Variants in LMX1A observed in about 807,000 individuals in gnomAD.
The protein encoded by LMX1A is LIM homeobox transcription factor 1-alpha.
LMX1A carries 15 observed loss-of-function variants against 49.1 expected under a neutral mutation model. That is an observed-to-expected ratio of 0.31 (90% CI 0.20 to 0.47). LMX1A has a LOEUF of 0.47. LMX1A is among the 20% of genes least tolerant of loss of function. LMX1A has a pLI of 1.00. For missense variants in LMX1A, 372 were observed against 475.8 expected (o/e 0.78, Z 2.03); for synonymous variants, 167 against 185.7 (o/e 0.90, Z 0.82).
rs144980188 is a variant in LMX1A, at chr1:165,355,551, G to A, written c.9C>T (p.Asp3=). 3.1e-4 allele frequency: 502 copies of A among 1,613,736 alleles called. 1 individual carries two copies. In the African/African-American group the frequency reaches 5.7e-3, roughly 18 times the overall value. ML[D]GLKMEENFQS... Reference sequence around the variant, plus strand: ...GGAAGTTCTCCTCCATCTTTAGGCCGTCCAGCATGTTCGGGCCGGGCCGGG... The same window carrying A: ...GGAAGTTCTCCTCCATCTTTAGGCCATCCAGCATGTTCGGGCCGGGCCGGG... The change falls in exon 2 of 9, where the codon GAC becomes GAT. Residue 3 remains aspartate, a synonymous_variant. Transcript: ENST00000342310. The surrounding 1 kb of genome is among the most constrained non-coding windows in gnomAD (Gnocchi z 4.7).
intron 3 of LMX1A, among the ~76,000 whole-genome samples, chr1:165,258,615 G>A (rs1653326894): frequency 6.6e-6 from 1 of 152,202 alleles, no homozygotes; most frequent in Non-Finnish European, 1.5e-5. Context: ...GTGGGAGTGA[G>A]AACTGCTAAG....
At chr1:165,275,624 T>C (rs1217952310) in intron 3 of LMX1A, among the ~76,000 whole-genome samples, 2 of 152,112 alleles carry the variant, frequency 1.3e-5, no homozygotes, top group Non-Finnish European at 2.9e-5. Context: ...CTTATTTCTA[T>C]AGCAAATCAA....
intron 3 of LMX1A, among the ~76,000 whole-genome samples, chr1:165,294,376 A>C (rs1275941487): frequency 1.3e-5 from 2 of 152,216 alleles, no homozygotes; most frequent in East Asian, 3.9e-4. Context: ...TAGGTTGATA[A>C]ATTTCAAAAG....
At chr1:165,276,558 CA>C (rs1653973945) in intron 3 of LMX1A, among the ~76,000 whole-genome samples, 1 of 151,916 alleles carries the variant, frequency 6.6e-6, no homozygotes, top group Non-Finnish European at 1.5e-5. Context: ...AGGGTGAACA[CA>C]ATGCTCAAAG....
chr1:165,299,768 A>AC (rs1654719747), intron 3 of LMX1A, among the ~76,000 whole-genome samples: 1 of 74,584 alleles, frequency 1.3e-5, no homozygotes, highest in South Asian at 5.6e-4. Context: ...CAAGAAACAC[A>AC]CTAAAAAAAA....
chr1:165,270,859 C>T (rs750942936), intron 3 of LMX1A, among the ~76,000 whole-genome samples: 8 of 152,124 alleles, frequency 5.3e-5, no homozygotes, highest in African/African-American at 1.4e-4. Flanking sequence ...TATCCCAATG[C>T]CTTTCATTTC....
chr1:165,248,452 T>C (rs938601609), intron 4 of LMX1A, among the ~76,000 whole-genome samples: 2 of 87,416 alleles, frequency 2.3e-5, no homozygotes, highest in African/African-American at 3.4e-5. Context: ...ATAAGATGAA[T>C]GCTGAGCTGT....
Position 165,282,397 on chromosome 1 carries a change from T to C in LMX1A, c.264-32757A>G, listed in dbSNP as rs1035830324. ...CATGTAACCTACGCACACCCTTCTGTATACTTTCATTCTTCTCTAGGTTAC... is the reference window on the plus strand; with the variant it reads ...CATGTAACCTACGCACACCCTTCTGCATACTTTCATTCTTCTCTAGGTTAC... On this transcript the variant is annotated intron_variant, in intron 3 of 8. Coordinates refer to ENST00000342310, the MANE Select transcript of LMX1A (RefSeq NM_177398.4). 9.8e-5 allele frequency among the ~76,000 whole-genome samples: 15 copies of C among 152,350 alleles called. No individual in the cohort carries two copies. The East Asian group carries it at 2.7e-3, about 27-fold the overall frequency.
At chr1:165,348,270 A>C (rs907071222) in intron 3 of LMX1A, among the ~76,000 whole-genome samples, 10 of 152,214 alleles carry the variant, frequency 6.6e-5, no homozygotes, top group Admixed American at 1.3e-4. Flanking sequence ...TTTAATTCCC[A>C]GAATACTATT....
intron 3 of LMX1A, among the ~76,000 whole-genome samples, chr1:165,332,093 T>C (rs1655763836): frequency 6.6e-6 from 1 of 152,134 alleles, no homozygotes; most frequent in African/African-American, 2.4e-5. Context: ...AGGTATATTG[T>C]AATCCTGAGA....
intron 3 of LMX1A, among the ~76,000 whole-genome samples, chr1:165,251,381 C>T (rs2102639716): frequency 6.6e-6 from 1 of 152,244 alleles, no homozygotes; most frequent in South Asian, 2.1e-4. Context: ...CTGCTCCAGG[C>T]TTGAATGGTT....
chr1:165,281,633 C>T (rs949180362), intron 3 of LMX1A, among the ~76,000 whole-genome samples: 1 of 152,134 alleles, frequency 6.6e-6, no homozygotes, highest in Non-Finnish European at 1.5e-5. Context: ...ATGATGGCTG[C>T]AACTGTATGC....
chr1:165,343,271 G>C (rs1001703707), intron 3 of LMX1A, among the ~76,000 whole-genome samples: 5 of 152,018 alleles, frequency 3.3e-5, no homozygotes, highest in African/African-American at 1.2e-4. Flanking sequence ...CACAGCTAAG[G>C]AACAGCGGGA....
intron 4 of LMX1A, among the ~76,000 whole-genome samples, chr1:165,218,021 T>C (rs1211866240): frequency 6.6e-6 from 1 of 152,238 alleles, no homozygotes; most frequent in Non-Finnish European, 1.5e-5. Context: ...GCTACTCAAC[T>C]CTGCAATTGT....
chr1:165,256,448 C>T (rs1189141746), intron 3 of LMX1A, among the ~76,000 whole-genome samples: 4 of 152,152 alleles, frequency 2.6e-5, no homozygotes, highest in Admixed American at 1.3e-4. Flanking sequence ...TCTCCACACA[C>T]TTTCAACCAG....
chr1:165,265,444 G>T (rs1653593425), intron 3 of LMX1A, among the ~76,000 whole-genome samples: 1 of 152,162 alleles, frequency 6.6e-6, no homozygotes, highest in African/African-American at 2.4e-5. Flanking sequence ...TTTGCCTTTT[G>T]GCAAAGGAAG....
chr1:165,347,825 T>C (rs1023928049), intron 3 of LMX1A, among the ~76,000 whole-genome samples: 2 of 152,238 alleles, frequency 1.3e-5, no homozygotes, highest in Admixed American at 6.5e-5. Flanking sequence ...ATCATGAGTA[T>C]TTTAAACCTT....
At chr1:165,300,419 TC>T (rs1654746419) in intron 3 of LMX1A, among the ~76,000 whole-genome samples, 1 of 152,180 alleles carries the variant, frequency 6.6e-6, no homozygotes, top group African/African-American at 2.4e-5. Flanking sequence ...CCATCCTTCT[TC>T]CCATTAAAAC....
intron 3 of LMX1A, among the ~76,000 whole-genome samples, chr1:165,348,416 T>C (rs1238106452): frequency 6.6e-6 from 1 of 151,908 alleles, no homozygotes; most frequent in Non-Finnish European, 1.5e-5. Flanking sequence ...CCCTCCAAAA[T>C]TAAAAAGAGA....
Sources: gnomAD v4.1 joint callset for allele counts (sites outside exome capture counted in the v4.1 genomes callset) on GRCh38, gnomAD v4.1.1 for gene constraint, Gnocchi (gnomAD v3.1) non-coding constraint, MANE v1.5 for transcripts, NCBI Gene and HGNC (gene_info 2026-07-23, HGNC 2026-07-21) for gene names.